Variants in XPR1 observed in about 807,000 individuals in gnomAD.
XPR1 encodes the protein solute carrier family 53 member 1.
Under a neutral mutation model 87.5 loss-of-function variants are expected in XPR1, and 28 were observed. The observed-to-expected ratio is 0.32, with a 90% confidence interval of 0.24 to 0.44. XPR1 has a LOEUF of 0.44. Ranked by LOEUF, XPR1 falls within the 20% of genes least tolerant of loss-of-function variation. The pLI, the probability that XPR1 is intolerant of heterozygous loss-of-function variation, is 1.00. For synonymous variants in XPR1, 300 were observed against 306.1 expected (o/e 0.98, Z 0.21); for missense variants, 559 against 862.3 (o/e 0.65, Z 4.41).
chr1:180,863,728 A>G lies in XPR1; in HGVS notation c.1522A>G (p.Met508Val), dbSNP rs776143692. ...TTCAGAACGAGGTCACTCGGACACT[A>G]TGGTGTTCTTTTACCTGTGGATTGT... is the stretch of plus-strand genomic sequence containing the variant. ...THKERGHSDT[M>V]VFFYLWIVFY... The change falls in exon 12 of 15, where the codon ATG becomes GTG. Residue 508 changes from methionine (M) to valine (V), a missense_variant. Around this residue, in one of 7 missense-constraint regions of XPR1, gnomAD observed 264 missense variants for 377.2 expected, o/e 0.70. Coordinates refer to ENST00000367590, the MANE Select transcript of XPR1 (RefSeq NM_004736.4). 8.8e-5 allele frequency: 141 copies of G among 1,596,578 alleles called. 1 individual carries two copies. The highest frequency in any genetic ancestry group is 1.1e-4 in the Non-Finnish European group (127 of 1,173,564).
At chr1:180,778,942 C>T (rs1648835111) in intron 2 of XPR1, among the ~76,000 whole-genome samples, 1 of 152,192 alleles carries the variant, frequency 6.6e-6, no homozygotes, top group Non-Finnish European at 1.5e-5. Context: ...ATAACATGGG[C>T]TTTGTGCGTG....
At chr1:180,824,645 G>A in intron 7 of XPR1, 108 bp from the exon 8 acceptor site, 1 of 964,784 alleles carries the variant, frequency 1.0e-6, no homozygotes, top group Non-Finnish European at 1.5e-6. Context: ...TTTTATTTAT[G>A]AAAAATTTCT....
chr1:180,656,307 C>T (rs1655463569), intron 1 of XPR1, among the ~76,000 whole-genome samples: 1 of 117,126 alleles, frequency 8.5e-6, no homozygotes, highest in East Asian at 2.2e-4. Flanking sequence ...GAATAGTACT[C>T]CATTATATAT....
In XPR1 at chr1:180,796,074, C is replaced by T. The variant is rs546093811; in HGVS notation, c.224-7314C>T. ...CCACTCACCTCGGCCTCCAAAAGTG[C>T]TGGGATTACAGGCGTGAGCGACTGC... On this transcript the variant is annotated intron_variant, in intron 3 of 14. Coordinates refer to ENST00000367590, the MANE Select transcript of XPR1 (RefSeq NM_004736.4). 8.4e-4 allele frequency among the ~76,000 whole-genome samples: 128 copies of T among 152,248 alleles called. 1 individual carries two copies. In the South Asian group the frequency reaches 1.0e-2, roughly 12 times the overall value.
At chr1:180,655,848 G>A (rs1323076310) in intron 1 of XPR1, among the ~76,000 whole-genome samples, 1 of 151,752 alleles carries the variant, frequency 6.6e-6, no homozygotes, top group African/African-American at 2.4e-5. Context: ...CATAGTAGGT[G>A]TATATATTTA....
chr1:180,779,513 G>GGGAGGCT (rs1373375456), intron 2 of XPR1, among the ~76,000 whole-genome samples: 22 of 152,054 alleles, frequency 1.4e-4, no homozygotes, highest in Admixed American at 1.4e-3. Context: ...CCAGCATTTT[G>GGGAGGCT]GGAGGCTGAG....
At chr1:180,727,216 A>C (rs1658385578) in intron 2 of XPR1, among the ~76,000 whole-genome samples, 1 of 152,138 alleles carries the variant, frequency 6.6e-6, no homozygotes, top group South Asian at 2.1e-4. Flanking sequence ...AATACAATGT[A>C]AGTGGGATAT....
At chr1:180,711,029 C>T (rs1280984876) in intron 2 of XPR1, among the ~76,000 whole-genome samples, 2 of 147,150 alleles carry the variant, frequency 1.4e-5, no homozygotes, top group Non-Finnish European at 1.5e-5. Context: ...GGCTGCCGGG[C>T]GGAGGGGCTC....
At chr1:180,711,449 C>CA (rs1281462693) in intron 2 of XPR1, among the ~76,000 whole-genome samples, 1 of 152,104 alleles carries the variant, frequency 6.6e-6, no homozygotes, top group Non-Finnish European at 1.5e-5. Flanking sequence ...CCGTCTCCAC[C>CA]AAAAAAATAC....
intron 1 of XPR1, among the ~76,000 whole-genome samples, chr1:180,633,386 A>T (rs747439429): frequency 6.6e-6 from 1 of 152,212 alleles, no homozygotes; most frequent in Non-Finnish European, 1.5e-5. Flanking sequence ...ATCAATATGA[A>T]CACACATAAC....
chr1:180,846,416 T>TGTTG (rs1651687110), intron 11 of XPR1, among the ~76,000 whole-genome samples: 2 of 148,600 alleles, frequency 1.3e-5, no homozygotes, highest in African/African-American at 4.9e-5. Flanking sequence ...TTGAATTTCT[T>TGTTG]GTTTGTTTGT....
At chr1:180,748,061 G>A (rs1468471192) in intron 2 of XPR1, among the ~76,000 whole-genome samples, 1 of 152,148 alleles carries the variant, frequency 6.6e-6, no homozygotes, top group African/African-American at 2.4e-5. Context: ...TAACCTGGTA[G>A]GTACCATACA....
At chr1:180,831,929 T>G (rs565760430) in intron 9 of XPR1, among the ~76,000 whole-genome samples, 29 of 152,302 alleles carry the variant, frequency 1.9e-4, no homozygotes, top group Middle Eastern at 3.4e-3. Context: ...GGATTGCTGG[T>G]TCAAATGGTA....
Position 180,880,100 on chromosome 1 carries a change from C to T in XPR1, c.1833C>T (p.Arg611=). The stretch of plus-strand genomic sequence containing the variant: ...GGCGATTTGTGTGGAACTTCTTCCG[C>T]CTGGAGAATGAACATCTGAATAACT... The part of the protein sequence containing the change: ...VFRRFVWNFF[R]LENEHLNNCG... The change falls in exon 14 of 15, where the codon CGC becomes CGT. Residue 611 remains arginine, a synonymous_variant. Coordinates refer to ENST00000367590, the MANE Select transcript of XPR1 (RefSeq NM_004736.4). 1 of 1,614,144 alleles carries T rather than the reference C, an allele frequency of 6.2e-7. No individual in the cohort carries two copies. The highest frequency in any genetic ancestry group is 8.5e-7 in the Non-Finnish European group (1 of 1,180,032).
chr1:180,683,523 TC>T (rs1249193278), intron 2 of XPR1, among the ~76,000 whole-genome samples: 2 of 152,186 alleles, frequency 1.3e-5, no homozygotes, highest in Non-Finnish European at 2.9e-5. Context: ...TAGTTGTAGA[TC>T]CCTGAGGAAT....
At chr1:180,697,803 G>A (rs556697916) in intron 2 of XPR1, among the ~76,000 whole-genome samples, 1 of 152,274 alleles carries the variant, frequency 6.6e-6, no homozygotes, top group African/African-American at 2.4e-5. Flanking sequence ...ATTGTGGTCT[G>A]AGAAGTTACT....
At chr1:180,760,777 T>G (rs979948519) in intron 2 of XPR1, among the ~76,000 whole-genome samples, 1 of 152,244 alleles carries the variant, frequency 6.6e-6, no homozygotes, top group East Asian at 1.9e-4. Flanking sequence ...TTAAAGTTCA[T>G]ATGGAACCAA....
intron 14 of XPR1, among the ~76,000 whole-genome samples, chr1:180,882,884 T>C (rs1427106832): frequency 1.3e-5 from 2 of 152,196 alleles, no homozygotes; most frequent in African/African-American, 4.8e-5. Context: ...ACTCTTTTGG[T>C]TTCTCATGTA....
intron 2 of XPR1, among the ~76,000 whole-genome samples, chr1:180,693,629 C>G (rs1484527951): frequency 1.3e-5 from 2 of 152,168 alleles, no homozygotes; most frequent in Admixed American, 6.5e-5. Context: ...GCAGGGCTAC[C>G]TTCCTTCTGG....
Sources: gnomAD v4.1 joint callset for allele counts (sites outside exome capture counted in the v4.1 genomes callset) on GRCh38, gnomAD v4.1.1 for gene constraint, gnomAD v4.1.1 regional missense constraint, MANE v1.5 for transcripts, NCBI Gene and HGNC (gene_info 2026-07-23, HGNC 2026-07-21) for gene names.